Variants in VWA8 observed in about 807,000 individuals in gnomAD.
The protein encoded by VWA8 is von Willebrand factor A domain-containing protein 8.
Under a neutral mutation model 241.5 loss-of-function variants are expected in VWA8, and 221 were observed. That is an observed-to-expected ratio of 0.91 (90% CI 0.82 to 1.02). The LOEUF is 1.02. VWA8 is among the 50% of genes least tolerant of loss of function. The probability of loss-of-function intolerance (pLI) is 0.00; values close to 1 mark genes in which losing one functional copy is unlikely to be tolerated. For synonymous variants in VWA8, 852 were observed against 827.1 expected (o/e 1.03, Z -0.52); for missense variants, 2,322 against 2,328.7 (o/e 1.00, Z 0.06).
chr13:41,889,527 T>C (rs1171349060), intron 5 of VWA8, among the ~76,000 whole-genome samples: 1 of 151,998 alleles, frequency 6.6e-6, no homozygotes, highest in Non-Finnish European at 1.5e-5. Context: ...TACAGGCGCA[T>C]GCCACCACGC....
intron 2 of VWA8, among the ~76,000 whole-genome samples, chr13:41,918,454 A>C (rs865801258): frequency 1.6e-4 from 24 of 152,242 alleles, no homozygotes; most frequent in Non-Finnish European, 1.5e-4. Context: ...TACAAAAATA[A>C]GAGTATACAT....
Position 41,949,967 on chromosome 13 carries a change from A to C in VWA8, c.210T>G (p.Pro70=), listed in dbSNP as rs1555247693. ...TCTGTGGCACAAGTTCTGGATTCTT[A>C]GGAATTTTCAACTTGTAGGATACAT... ...IGDVSYKLKI[P]KNPELVPQNY... Residue 70 remains proline, a synonymous_variant, in exon 2 of 45, where the codon CCT becomes CCG. Transcript: ENST00000379310. 2 of 1,595,322 alleles carry C rather than the reference A, an allele frequency of 1.3e-6. No homozygotes were observed. Among genetic ancestry groups the C allele is most frequent in the Non-Finnish European group, 1.7e-6 (2 of 1,168,460 alleles).
At chr13:41,874,780 C>A (rs537783134) in intron 9 of VWA8, among the ~76,000 whole-genome samples, 3 of 152,092 alleles carry the variant, frequency 2.0e-5, no homozygotes, top group Non-Finnish European at 4.4e-5. Flanking sequence ...ATTCTGCATA[C>A]CATGTTGCCT....
intron 37 of VWA8, among the ~76,000 whole-genome samples, chr13:41,658,480 T>A (rs1461296700): frequency 3.3e-5 from 5 of 152,244 alleles, no homozygotes; most frequent in Non-Finnish European, 7.3e-5. Context: ...CCGTTTCAAT[T>A]TCTGACTGAA....
At chr13:41,579,924 G>A (rs2044371681) in intron 42 of VWA8, among the ~76,000 whole-genome samples, 1 of 152,100 alleles carries the variant, frequency 6.6e-6, no homozygotes, top group Non-Finnish European at 1.5e-5. Flanking sequence ...ACAGCTCACT[G>A]CAGCCTCAAC....
intron 40 of VWA8, among the ~76,000 whole-genome samples, chr13:41,602,212 A>G (rs983306534): frequency 4.6e-5 from 7 of 152,166 alleles, no homozygotes; most frequent in African/African-American, 1.7e-4. Context: ...AATAGATTCA[A>G]TAAGGAAAAC....
intron 37 of VWA8, among the ~76,000 whole-genome samples, chr13:41,620,309 G>A (rs2044648139): frequency 6.6e-6 from 1 of 152,006 alleles, no homozygotes; most frequent in South Asian, 2.1e-4. Context: ...TGGGATCGGT[G>A]GTGATATCCC....
At chr13:41,670,500 T>C (rs1332709469) in intron 37 of VWA8, among the ~76,000 whole-genome samples, 1 of 150,538 alleles carries the variant, frequency 6.6e-6, no homozygotes, top group African/African-American at 2.5e-5. Flanking sequence ...ATTGGATGCA[T>C]ATTTTTGCTC....
chr13:41,891,689 G>A (rs1399694715), intron 4 of VWA8, 102 bp from the exon 5 acceptor site: 6 of 1,248,148 alleles, frequency 4.8e-6, no homozygotes, highest in African/African-American at 4.5e-5. Flanking sequence ...CTTGTTATAG[G>A]GACCAGAAAT....
chr13:41,811,184 A>C, intron 17 of VWA8, 41 bp downstream of exon 17: 1 of 1,506,676 alleles, frequency 6.6e-7, no homozygotes, highest in Non-Finnish European at 9.2e-7. Flanking sequence ...GTTTTAGTGA[A>C]GATCCAGAAA....
intron 21 of VWA8, among the ~76,000 whole-genome samples, chr13:41,739,406 C>T (rs1482122642): frequency 6.6e-6 from 1 of 152,154 alleles, no homozygotes; most frequent in Non-Finnish European, 1.5e-5. Flanking sequence ...TGGTTAATAA[C>T]CCAAAATACA....
At chr13:41,600,919 G>T (rs7324203) in intron 40 of VWA8, among the ~76,000 whole-genome samples, 1 of 151,916 alleles carries the variant, frequency 6.6e-6, no homozygotes, top group South Asian at 2.1e-4. Flanking sequence ...CTTCTCACCC[G>T]AATAACTGAT....
chr13:41,857,228 T>C (rs191412862), intron 12 of VWA8, among the ~76,000 whole-genome samples: 24 of 152,340 alleles, frequency 1.6e-4, no homozygotes, highest in African/African-American at 5.8e-4. Flanking sequence ...CTTCATTATA[T>C]ACTAGTTTTA....
chr13:41,757,515 A>T (rs930418290), intron 21 of VWA8, among the ~76,000 whole-genome samples: 1 of 150,018 alleles, frequency 6.7e-6, no homozygotes. Flanking sequence ...TGATCCTGAG[A>T]TTTAGGGTAT....
At chr13:41,920,574 C>G (rs1159380136) in intron 2 of VWA8, among the ~76,000 whole-genome samples, 1 of 151,900 alleles carries the variant, frequency 6.6e-6, no homozygotes, top group African/African-American at 2.4e-5. Context: ...AGAGAAGAAT[C>G]AAATAGATGA....
At chr13:41,678,390 T>C (rs574306346) in intron 35 of VWA8, among the ~76,000 whole-genome samples, 48 of 152,356 alleles carry the variant, frequency 3.2e-4, no homozygotes, top group Non-Finnish European at 5.3e-4. Context: ...CTGCCTGTGA[T>C]ATAAGGTCAA....
Position 41,749,591 on chromosome 13 carries a change from A to C in VWA8, c.2426+11537T>G, listed in dbSNP as rs538580776. 2.0e-5 allele frequency among the ~76,000 whole-genome samples: 3 copies of C among 152,292 alleles called. No homozygotes were observed. The South Asian group carries it at 6.2e-4, about 32-fold the overall frequency. On this transcript the variant is annotated intron_variant, in intron 21 of 44. Transcript: ENST00000379310. Reference sequence around the variant, plus strand: ...TGCGGCACCACTCACAATAGCAAAGACTTGGAACCAACCCAAATGTCCAAC... The same window carrying C: ...TGCGGCACCACTCACAATAGCAAAGCCTTGGAACCAACCCAAATGTCCAAC...
chr13:41,909,633 T>C (rs1875899661), intron 3 of VWA8, among the ~76,000 whole-genome samples: 1 of 152,230 alleles, frequency 6.6e-6, no homozygotes, highest in African/African-American at 2.4e-5. Flanking sequence ...CAAAGTTATA[T>C]ATGCCTCTTA....
chr13:41,587,765 C>T (rs1478332912), intron 41 of VWA8, 95 bp from the exon 42 acceptor site: 2 of 1,483,470 alleles, frequency 1.3e-6, no homozygotes, highest in Non-Finnish European at 1.8e-6. Context: ...GCGTGCCAGC[C>T]CCGAGATGGG....
Sources: allele counts gnomAD v4.1 joint callset (sites outside exome capture counted in the v4.1 genomes callset), GRCh38; gene constraint gnomAD v4.1.1; transcripts MANE v1.5; gene names NCBI Gene and HGNC (gene_info 2026-07-23, HGNC 2026-07-21).